POLR2F: variants seen among roughly 807,000 people sequenced by gnomAD.
POLR2F encodes the protein RNA polymerase II, I and III subunit F.
POLR2F carries 12 observed loss-of-function variants against 22.7 expected under a neutral mutation model. That is an observed-to-expected ratio of 0.53 (90% CI 0.34 to 0.86). The LOEUF (loss-of-function observed/expected upper bound fraction) is 0.86. POLR2F is among the 40% of genes least tolerant of loss of function. The pLI, the probability that POLR2F is intolerant of heterozygous loss-of-function variation, is 0.02. For missense variants in POLR2F, 126 were observed against 171.5 expected (o/e 0.73, Z 1.48); for synonymous variants, 57 against 66.0 (o/e 0.86, Z 0.66).
At chr22:37,973,974 C>T, downstream of POLR2F, 1 of 1,612,420 alleles carries the variant, frequency 6.2e-7, no homozygotes, top group Non-Finnish European at 8.5e-7. Context: ...CTCACATGGC[C>T]TGGGTGCCCA....
At chr22:38,031,376 C>G (rs1215383382), downstream of POLR2F, among the ~76,000 whole-genome samples, 1 of 152,136 alleles carries the variant, frequency 6.6e-6, no homozygotes, top group Non-Finnish European at 1.5e-5. This position sits in a 1 kb window ranked among gnomAD's most constrained non-coding sequence, Gnocchi z 4.1. Context: ...CTACCCACGT[C>G]CCCCCACAAG....
downstream of POLR2F, chr22:37,972,196 C>G: frequency 8.0e-7 from 1 of 1,256,804 alleles, no homozygotes; most frequent in Non-Finnish European, 1.1e-6. Context: ...AGAGAGAGAC[C>G]TTTGATGATC....
chr22:38,007,998 G>T (rs2084837858), intron 1 of POLR2F, among the ~76,000 whole-genome samples: 1 of 152,172 alleles, frequency 6.6e-6, no homozygotes, highest in South Asian at 2.1e-4. Context: ...CTAGCACTTT[G>T]GGAGGCTGAG....
intron 1 of POLR2F, among the ~76,000 whole-genome samples, chr22:38,000,457 G>A (rs1263175920): frequency 6.6e-6 from 1 of 152,200 alleles, no homozygotes; most frequent in Admixed American, 6.5e-5. Flanking sequence ...CTGGGGTGGG[G>A]AGAGGACACA....
intron 1 of POLR2F, among the ~76,000 whole-genome samples, chr22:37,999,437 G>A (rs2084748784): frequency 1.3e-5 from 2 of 152,158 alleles, no homozygotes; most frequent in African/African-American, 4.8e-5. Context: ...CTGAGGACCA[G>A]CAGGTCTCCT....
chr22:38,033,772 C>T (rs1026506208), intron 5 of POLR2F, among the ~76,000 whole-genome samples: 22 of 152,310 alleles, frequency 1.4e-4, no homozygotes, highest in African/African-American at 4.8e-4. Context: ...GCCACGGCCC[C>T]GCTGCCTGCC....
In POLR2F at chr22:37,959,210, C is replaced by G. The variant is rs1053081410; in HGVS notation, c.91-136C>G. ...AAGGATTACATGAGTTGTTAGGAAGCAGTTATGTGGTCCCCTGGCATGCAG... is the reference window on the plus strand; with the variant it reads ...AAGGATTACATGAGTTGTTAGGAAGGAGTTATGTGGTCCCCTGGCATGCAG... On this transcript the variant is annotated intron_variant, in intron 2 of 4. Coordinates refer to ENST00000442738, the MANE Select transcript of POLR2F (RefSeq NM_021974.5). 4 of 788,020 alleles carry G rather than the reference C, an allele frequency of 5.1e-6. No homozygotes were observed. The African/African-American group carries it at 6.9e-5, about 14-fold the overall frequency. 48.8% of individuals were successfully genotyped at this position (788,020 alleles called of 1,614,324 possible).
chr22:37,974,467 C>T lies in POLR2F; in HGVS notation c.293+7297C>T, dbSNP rs967924130. Among the ~76,000 whole-genome samples the T allele has an allele frequency of 3.9e-5, 6 of 151,978 alleles. No homozygotes were observed. Among genetic ancestry groups the T allele is most frequent in the African/African-American group, 1.5e-4 (6 of 41,344 alleles). On this transcript the variant is annotated intron_variant, in intron 4 of 4. Coordinates refer to the POLR2F transcript ENST00000405557. This position sits in a 1 kb window ranked among gnomAD's most constrained non-coding sequence, Gnocchi z 5.4. Reference sequence around the variant, plus strand: ...TCCTGGGTTCAAATGATTCTCCTGCCTCAGCCTCCTGAGTAGCTGGAATTA... The same window carrying T: ...TCCTGGGTTCAAATGATTCTCCTGCTTCAGCCTCCTGAGTAGCTGGAATTA...
At chr22:37,995,713 C>T (rs1048238559) in intron 1 of POLR2F, among the ~76,000 whole-genome samples, 16 of 152,162 alleles carry the variant, frequency 1.1e-4, no homozygotes, top group East Asian at 3.9e-4. Context: ...TGGCTCACAC[C>T]TGTAGTCCCA....
intron 2 of POLR2F, among the ~76,000 whole-genome samples, chr22:37,957,823 T>G (rs1931460917): frequency 6.6e-6 from 1 of 152,170 alleles, no homozygotes; most frequent in African/African-American, 2.4e-5. Flanking sequence ...CACTCCAGAC[T>G]CTGCTCTGTG....
chr22:37,997,706 C>CTCGT lies in POLR2F; in HGVS notation c.120+11395_120+11398dup, dbSNP rs1389644616. Among the ~76,000 whole-genome samples, 3 of 152,268 alleles carry CTCGT rather than the reference C, an allele frequency of 2.0e-5. No homozygotes were observed. Among genetic ancestry groups the CTCGT allele is most frequent in the Admixed American group, 2.0e-4 (3 of 15,298 alleles). ...ATGCCCTGGGTCACCCTGCCCCTCC[C>CTCGT]TCGTGCCTGTGCCCAGCTCCGCATC... On this transcript the variant is annotated intron_variant, in intron 1 of 2. Coordinates refer to the POLR2F transcript ENST00000333418. This position sits in a 1 kb window ranked among gnomAD's most constrained non-coding sequence, Gnocchi z 4.4.
chr22:37,981,223 C>T (rs1321005574), upstream of POLR2F, among the ~76,000 whole-genome samples: 1 of 152,234 alleles, frequency 6.6e-6, no homozygotes, highest in Admixed American at 6.5e-5. Flanking sequence ...TTCTTGACAT[C>T]CCAGGAGTCA....
chr22:37,995,512 T>G (rs2084704716), intron 1 of POLR2F, among the ~76,000 whole-genome samples: 1 of 152,206 alleles, frequency 6.6e-6, no homozygotes, highest in Non-Finnish European at 1.5e-5. Flanking sequence ...ACTTTTCCTT[T>G]ATAGCACTCA....
At chr22:38,026,193 C>G in intron 2 of POLR2F, 1 of 532,546 alleles carries the variant, frequency 1.9e-6, no homozygotes, top group Non-Finnish European at 3.9e-6. Context: ...GGTGCCTTGT[C>G]CATCCTCCTG....
intron 1 of POLR2F, among the ~76,000 whole-genome samples, chr22:38,008,763 T>G (rs1601904628): frequency 7.3e-6 from 1 of 137,202 alleles, no homozygotes; most frequent in South Asian, 2.3e-4. Context: ...GAGGTTGAGG[T>G]GGGAGAATCG....
intron 3 of POLR2F, among the ~76,000 whole-genome samples, chr22:37,964,147 G>A (rs1210749527): frequency 6.6e-6 from 1 of 151,946 alleles, no homozygotes; most frequent in Non-Finnish European, 1.5e-5. Context: ...CAGTCCTCCA[G>A]GTGTTTTCTG....
chr22:38,013,457 C>G lies in POLR2F; in HGVS notation c.121-12412C>G, dbSNP rs768311422. On this transcript the variant is annotated intron_variant, in intron 1 of 2. Transcript: ENST00000333418. ...CACTACGCCCGGTCAGTTGTGACTT[C>G]TTTCTTAAGCAGAGAGAAATCTTGC... 3.3e-5 allele frequency among the ~76,000 whole-genome samples: 5 copies of G among 152,316 alleles called. No individual in the cohort carries two copies. The Middle Eastern group carries it at 0.017, about 518-fold the overall frequency.
chr22:38,035,698 T>C (rs1055880188), intron 5 of POLR2F, among the ~76,000 whole-genome samples: 2 of 152,070 alleles, frequency 1.3e-5, no homozygotes, highest in African/African-American at 4.8e-5. Context: ...TTCATAACCA[T>C]GGCTGAACTG....
chr22:38,005,803 G>A (rs2084815924), intron 1 of POLR2F, among the ~76,000 whole-genome samples: 1 of 152,250 alleles, frequency 6.6e-6, no homozygotes, highest in African/African-American at 2.4e-5. Context: ...ACAGAACTTA[G>A]ACAAGTATAG....
Sources: gnomAD v4.1 joint callset for allele counts (sites outside exome capture counted in the v4.1 genomes callset) on GRCh38, gnomAD v4.1.1 for gene constraint, Gnocchi (gnomAD v3.1) non-coding constraint, MANE v1.5 for transcripts, NCBI Gene and HGNC (gene_info 2026-07-23, HGNC 2026-07-21) for gene names.